The following TASP1 variants were observed in gnomAD, a reference collection of about 807,000 sequenced individuals.
TASP1 encodes the protein threonine aspartase 1.
Under a neutral mutation model 56.6 loss-of-function variants are expected in TASP1, and 16 were observed. The observed-to-expected ratio is 0.28, with a 90% CI of 0.19 to 0.43. The LOEUF (loss-of-function observed/expected upper bound fraction) is 0.43. Among genes scored for constraint, TASP1 ranks in the 20% least tolerant of loss-of-function variants. The probability of loss-of-function intolerance (pLI) is 1.00; values close to 1 mark genes in which losing one functional copy is unlikely to be tolerated. For missense variants in TASP1, 393 were observed against 511.6 expected, an observed-to-expected ratio of 0.77 and a Z score of 2.24; for synonymous variants, 179 against 184.2, an observed-to-expected ratio of 0.97 and a Z score of 0.23.
intron 13 of TASP1, among the ~76,000 whole-genome samples, chr20:13,415,044 T>G (rs1225803284): frequency 6.6e-6 from 1 of 152,122 alleles, no homozygotes; most frequent in African/African-American, 2.4e-5. Flanking sequence ...AGGAAGACAA[T>G]TTTTGAAAAC....
chr20:13,271,793 T>A, the TASP1 span, among the ~76,000 whole-genome samples: 1 of 152,164 alleles, frequency 6.6e-6, no homozygotes, highest in Non-Finnish European at 1.5e-5. Flanking sequence ...ATATTTTTTT[T>A]AAAGATGGCC....
chr20:13,414,046 C>T (rs1327859252), intron 13 of TASP1, among the ~76,000 whole-genome samples: 2 of 152,114 alleles, frequency 1.3e-5, no homozygotes, highest in Admixed American at 1.3e-4. Context: ...TGTAAATTGA[C>T]CTAATAATGC....
chr20:13,498,331 T>TGTGTGTGTGTGTG (rs2043808513), intron 10 of TASP1, among the ~76,000 whole-genome samples: 1 of 135,010 alleles, frequency 7.4e-6, no homozygotes, highest in Non-Finnish European at 1.6e-5. Flanking sequence ...TTCTTTTCTT[T>TGTGTGTGTGTGTG]TGTGTGTGTG....
chr20:13,401,810 A>C (rs1296082732), intron 13 of TASP1, among the ~76,000 whole-genome samples: 1 of 152,190 alleles, frequency 6.6e-6, no homozygotes, highest in Non-Finnish European at 1.5e-5. Flanking sequence ...TTTACATGTC[A>C]TGGTTATATG....
At chr20:13,420,399 C>T (rs1328574855) in intron 12 of TASP1, among the ~76,000 whole-genome samples, 9 of 152,048 alleles carry the variant, frequency 5.9e-5, no homozygotes, top group African/African-American at 2.2e-4. Context: ...AAGAAAATAA[C>T]TCAATGTCTA....
At chr20:13,215,234 G>A in the TASP1 span, among the ~76,000 whole-genome samples, 1 of 152,180 alleles carries the variant, frequency 6.6e-6, no homozygotes, top group Non-Finnish European at 1.5e-5. Flanking sequence ...AATTCTCTGG[G>A]CCTGTTGCCT....
At chr20:13,403,476 T>A (rs1043757167) in intron 13 of TASP1, among the ~76,000 whole-genome samples, 1 of 152,210 alleles carries the variant, frequency 6.6e-6, no homozygotes, top group African/African-American at 2.4e-5. Flanking sequence ...CCACCCATCA[T>A]AACAAATGCA....
chr20:13,438,051 A>G (rs2146209691), intron 11 of TASP1, among the ~76,000 whole-genome samples: 1 of 152,176 alleles, frequency 6.6e-6, no homozygotes, highest in Non-Finnish European at 1.5e-5. Context: ...CGCATTGCCA[A>G]GTCAATCCTA....
At chr20:13,211,342 T>A in the TASP1 span, among the ~76,000 whole-genome samples, 1 of 152,288 alleles carries the variant, frequency 6.6e-6, no homozygotes, top group East Asian at 1.9e-4. Context: ...ATAATCATCA[T>A]AACCTCAATT....
At chr20:13,397,731 TG>T (rs2041593705) in intron 13 of TASP1, among the ~76,000 whole-genome samples, 1 of 152,232 alleles carries the variant, frequency 6.6e-6, no homozygotes, top group Non-Finnish European at 1.5e-5. Context: ...GTTGATAGAT[TG>T]GATAGTTTCT....
chr20:13,447,045 C>A (rs1340917964), intron 11 of TASP1, among the ~76,000 whole-genome samples: 1 of 152,094 alleles, frequency 6.6e-6, no homozygotes, highest in African/African-American at 2.4e-5. Context: ...ATCTATAGGA[C>A]ATATTTCTAA....
At chr20:13,208,744 G>C in the TASP1 span, among the ~76,000 whole-genome samples, 1 of 152,216 alleles carries the variant, frequency 6.6e-6, no homozygotes, top group Non-Finnish European at 1.5e-5. Context: ...ACATGGAACA[G>C]AGCTGTTTTG....
At chr20:13,406,398 T>A (rs889485007) in intron 13 of TASP1, among the ~76,000 whole-genome samples, 1 of 152,220 alleles carries the variant, frequency 6.6e-6, no homozygotes, top group Non-Finnish European at 1.5e-5. Flanking sequence ...TTCGTTAGAT[T>A]CATTTCATGT....
At chr20:13,254,928 G>A in the TASP1 span, among the ~76,000 whole-genome samples, 1 of 152,146 alleles carries the variant, frequency 6.6e-6, no homozygotes, top group Non-Finnish European at 1.5e-5. Context: ...CATTCATTCA[G>A]AGAGCATTTA....
chr20:13,352,298 A>C, the TASP1 span, among the ~76,000 whole-genome samples: 3 of 152,038 alleles, frequency 2.0e-5, no homozygotes, highest in Non-Finnish European at 4.4e-5. Flanking sequence ...AAAAATACAA[A>C]AAGTAGCCAG....
the TASP1 span, among the ~76,000 whole-genome samples, chr20:13,216,754 T>C: frequency 6.6e-6 from 1 of 152,136 alleles, no homozygotes; most frequent in Admixed American, 6.5e-5. Flanking sequence ...TGGGCAAACG[T>C]AGGGGTCAGG....
chr20:13,637,114 T>C (rs967951605), intron 1 of TASP1, among the ~76,000 whole-genome samples: 1 of 152,194 alleles, frequency 6.6e-6, no homozygotes. Flanking sequence ...TCTCCAAAGA[T>C]ATACAAAGGG....
chr20:13,389,901 T>G lies in TASP1; in HGVS notation c.*459A>C, dbSNP rs561096603. On this transcript the variant is annotated 3_prime_UTR_variant, in exon 14 of 14. Coordinates refer to ENST00000337743, the MANE Select transcript of TASP1 (RefSeq NM_017714.3). Reference sequence around the variant, plus strand: ...TTATTACTGTTATTAAATGGAGCACTACCACTGTCAAGTCATTTAAACAAG... The same window carrying G: ...TTATTACTGTTATTAAATGGAGCACGACCACTGTCAAGTCATTTAAACAAG... The G allele has an allele frequency of 1.3e-4, 21 of 161,322 alleles. No homozygotes were observed. Among genetic ancestry groups the G allele is most frequent in the Non-Finnish European group, 2.5e-4 (18 of 73,068 alleles). The allele number at this position is 161,322 out of a possible 1,614,324, so 10.0% of individuals were successfully genotyped here. A position where few individuals can be genotyped will look rare whatever the true frequency, so the allele number is the denominator to read the frequency against.
chr20:13,634,795 G>A (rs370381035), intron 1 of TASP1, among the ~76,000 whole-genome samples: 11 of 148,892 alleles, frequency 7.4e-5, no homozygotes, highest in Admixed American at 1.3e-4. Context: ...TTGGGAGGCC[G>A]AGGCAGGCCA....
Sources: gnomAD v4.1 joint callset for allele counts (sites outside exome capture counted in the v4.1 genomes callset) on GRCh38, gnomAD v4.1.1 for gene constraint, MANE v1.5 for transcripts, NCBI Gene and HGNC (gene_info 2026-07-23, HGNC 2026-07-21) for gene names.